The following GFRA1 variants were observed in gnomAD, a reference collection of about 807,000 sequenced individuals.
The protein encoded by GFRA1 is GDNF family receptor alpha 1, also known as GDNF family receptor alpha-1.
GFRA1 carries 16 observed loss-of-function variants against 51.6 expected under a neutral mutation model. That is an observed-to-expected ratio of 0.31 (90% CI 0.21 to 0.47). The LOEUF is 0.47. Ranked by LOEUF, GFRA1 falls within the 20% of genes least tolerant of loss-of-function variation. GFRA1 has a pLI of 1.00. For synonymous variants in GFRA1, 270 were observed against 241.3 expected (o/e 1.12, Z -1.10); for missense variants, 530 against 594.3 (o/e 0.89, Z 1.13).
In GFRA1 at chr10:116,104,469, C is replaced by T. The variant is rs116672890; in HGVS notation, c.771-7705G>A. Among the ~76,000 whole-genome samples the T allele has an allele frequency of 5.0e-3, 758 of 152,324 alleles. 6 individuals are homozygous for T. Among genetic ancestry groups the T allele is most frequent in the African/African-American group, 0.017 (723 of 41,566 alleles). On this transcript the variant is annotated intron_variant, in intron 6 of 10. Transcript: ENST00000355422. ...TGCTGTCACTGCACTCTGAGCCTGA[C>T]TCACAGGGGCTCTGGCAAAGCTTCA...
intron 5 of GFRA1, among the ~76,000 whole-genome samples, chr10:116,157,051 T>C (rs1449739895): frequency 6.6e-6 from 1 of 152,204 alleles, no homozygotes; most frequent in East Asian, 1.9e-4. Context: ...GCAACCCGCA[T>C]TGCTCTCCCA....
At chr10:116,197,718 A>G (rs901449633) in intron 5 of GFRA1, among the ~76,000 whole-genome samples, 1 of 152,220 alleles carries the variant, frequency 6.6e-6, no homozygotes, top group African/African-American at 2.4e-5. Context: ...CTACAAAGAA[A>G]TTAAACAGGG....
intron 4 of GFRA1, among the ~76,000 whole-genome samples, chr10:116,246,976 G>A (rs576004826): frequency 8.5e-5 from 13 of 152,296 alleles, no homozygotes; most frequent in South Asian, 6.2e-4. Context: ...AATATTGTTC[G>A]TGGAAGTGTA....
intron 5 of GFRA1, among the ~76,000 whole-genome samples, chr10:116,130,204 TG>T (rs1186913017): frequency 1.3e-5 from 2 of 151,904 alleles, no homozygotes; most frequent in African/African-American, 4.8e-5. Flanking sequence ...ACCATGTTCA[TG>T]GATCAAAATA....
intron 5 of GFRA1, among the ~76,000 whole-genome samples, chr10:116,207,523 C>T (rs549065041): frequency 2.6e-5 from 4 of 152,108 alleles, no homozygotes; most frequent in Admixed American, 6.5e-5. Context: ...CTACAAAAAC[C>T]CCCTTTCTTT....
intron 6 of GFRA1, among the ~76,000 whole-genome samples, chr10:116,111,347 A>G (rs999844185): frequency 1.3e-5 from 2 of 152,306 alleles, no homozygotes; most frequent in East Asian, 3.9e-4. Context: ...GTGACTAGAG[A>G]TACCATCAGC....
chr10:116,208,745 C>T (rs377595795), intron 5 of GFRA1, among the ~76,000 whole-genome samples: 19 of 152,176 alleles, frequency 1.2e-4, no homozygotes, highest in Non-Finnish European at 2.1e-4. Context: ...GTTGAGGCAA[C>T]GGATGAGCAT....
chr10:116,227,975 T>A (rs1174126887), intron 4 of GFRA1, among the ~76,000 whole-genome samples: 1 of 152,178 alleles, frequency 6.6e-6, no homozygotes, highest in Non-Finnish European at 1.5e-5. Flanking sequence ...TTGGACAAAG[T>A]GTGCTGTAAA....
chr10:116,242,119 C>T (rs930474580), intron 4 of GFRA1, among the ~76,000 whole-genome samples: 6 of 142,850 alleles, frequency 4.2e-5, no homozygotes, highest in Non-Finnish European at 9.1e-5. Flanking sequence ...TCTTATTTTT[C>T]GGCTGGAATT....
chr10:116,176,204 GA>G (rs1368219088), intron 5 of GFRA1, among the ~76,000 whole-genome samples: 1 of 152,156 alleles, frequency 6.6e-6, no homozygotes, highest in Non-Finnish European at 1.5e-5. Context: ...TCGGCGCTCT[GA>G]AAAAAGTATG....
chr10:116,211,308 C>T (rs987049879), intron 5 of GFRA1, among the ~76,000 whole-genome samples: 2 of 152,198 alleles, frequency 1.3e-5, no homozygotes, highest in Admixed American at 6.5e-5. Context: ...GACTCCCCTC[C>T]AGAGTATCAG....
At chr10:116,092,335 G>C (rs546260562) in intron 8 of GFRA1, among the ~76,000 whole-genome samples, 1 of 152,114 alleles carries the variant, frequency 6.6e-6, no homozygotes, top group African/African-American at 2.4e-5. Context: ...GTAAGCAAAT[G>C]ACTTCAATTT....
intron 5 of GFRA1, among the ~76,000 whole-genome samples, chr10:116,138,589 G>A (rs1958428250): frequency 6.6e-6 from 1 of 151,850 alleles, no homozygotes; most frequent in Non-Finnish European, 1.5e-5. Context: ...GGGGGCCCTA[G>A]AACACATACT....
intron 5 of GFRA1, among the ~76,000 whole-genome samples, chr10:116,152,918 T>C (rs1453291963): frequency 1.3e-5 from 2 of 152,348 alleles, no homozygotes; most frequent in East Asian, 1.9e-4. Flanking sequence ...AGGAAGACAG[T>C]AGATGACAAG....
chr10:116,077,310 G>A (rs1955661090), intron 9 of GFRA1, among the ~76,000 whole-genome samples: 2 of 152,088 alleles, frequency 1.3e-5, no homozygotes, highest in South Asian at 4.1e-4. Flanking sequence ...AATTGAGAGG[G>A]CATCTGGCTA....
At chr10:116,098,818 T>C (rs1400563741) in intron 6 of GFRA1, among the ~76,000 whole-genome samples, 1 of 152,196 alleles carries the variant, frequency 6.6e-6, no homozygotes, top group South Asian at 2.1e-4. Context: ...TGACTCACAA[T>C]TGGACTCTGG....
chr10:116,238,866 G>T (rs960756847), intron 4 of GFRA1, among the ~76,000 whole-genome samples: 2 of 152,090 alleles, frequency 1.3e-5, no homozygotes, highest in African/African-American at 4.8e-5. Flanking sequence ...TTGAAAGCTG[G>T]CTTATTAGCT....
At chr10:116,142,558 C>T (rs983436750) in intron 5 of GFRA1, among the ~76,000 whole-genome samples, 6 of 152,190 alleles carry the variant, frequency 3.9e-5, no homozygotes, top group African/African-American at 1.4e-4. Flanking sequence ...TGTGTCCCCA[C>T]ACTGTAAGGT....
chr10:116,142,567 G>T (rs751120791), intron 5 of GFRA1, among the ~76,000 whole-genome samples: 2 of 152,136 alleles, frequency 1.3e-5, no homozygotes, highest in Non-Finnish European at 2.9e-5. Flanking sequence ...ACACTGTAAG[G>T]TTCATTGTAA....
Sources: allele counts gnomAD v4.1 joint callset (sites outside exome capture counted in the v4.1 genomes callset), GRCh38; gene constraint gnomAD v4.1.1; transcripts MANE v1.5; gene names NCBI Gene and HGNC (gene_info 2026-07-23, HGNC 2026-07-21).